Variants in DMD observed in about 807,000 individuals in gnomAD.
DMD encodes the protein dystrophin.
Under a neutral mutation model 330.1 loss-of-function variants are expected in DMD, and 63 were observed. The ratio of observed to expected loss-of-function variants is 0.19; its 90% CI spans 0.16 to 0.24. DMD has a LOEUF of 0.24. DMD is among the 10% of genes least tolerant of loss of function. The pLI, the probability that DMD is intolerant of heterozygous loss-of-function variation, is 1.00. For missense variants in DMD, 3,344 were observed against 2,684.1 expected (o/e 1.25, Z -5.43); for synonymous variants, 1,223 against 959.8 (o/e 1.27, Z -5.07).
chrX:32,855,046 T>C (rs2081430041), intron 2 of DMD, among the ~76,000 whole-genome samples: 1 of 111,956 alleles, frequency 8.9e-6, no homozygotes, highest in African/African-American at 3.2e-5. Context: ...ATCAATGTGA[T>C]AGATCGTATG....
At chrX:31,302,288 G>C (rs1186938966) in intron 62 of DMD, among the ~76,000 whole-genome samples, 1 of 111,621 alleles carries the variant, frequency 9.0e-6, no homozygotes, top group Non-Finnish European at 1.9e-5. Flanking sequence ...ACCAGACTTA[G>C]ATATGTAACA....
At chrX:32,241,254 G>A (rs1203673003) in intron 43 of DMD, among the ~76,000 whole-genome samples, 3 of 111,911 alleles carry the variant, frequency 2.7e-5, no homozygotes, top group Non-Finnish European at 3.8e-5. Flanking sequence ...TGTGCATCGC[G>A]TCCCGTGGTC....
intron 29 of DMD, among the ~76,000 whole-genome samples, chrX:32,413,743 C>A (rs1024806428): frequency 1.2e-5 from 1 of 82,402 alleles, no homozygotes; most frequent in South Asian, 6.5e-4. Flanking sequence ...GAGATGGAGG[C>A]GGAGTCTCTC....
At chrX:31,845,950 C>A (rs1211693138) in intron 48 of DMD, among the ~76,000 whole-genome samples, 3 of 111,022 alleles carry the variant, frequency 2.7e-5, no homozygotes, top group Non-Finnish European at 5.7e-5. Context: ...AGTAGTTGGA[C>A]AATATTGTCC....
intron 41 of DMD, among the ~76,000 whole-genome samples, chrX:32,338,840 A>T (rs1400909877): frequency 9.0e-6 from 1 of 111,539 alleles, no homozygotes; most frequent in Admixed American, 9.6e-5. Context: ...CTTGGCAGTC[A>T]TCAGATTTGT....
At chrX:32,440,385 C>T (rs1210821590) in intron 28 of DMD, among the ~76,000 whole-genome samples, 1 of 111,336 alleles carries the variant, frequency 9.0e-6, no homozygotes, top group Non-Finnish European at 1.9e-5. Context: ...GGTGTCTACT[C>T]TGATGTTCTA....
chrX:32,878,999 C>G (rs946812609), intron 2 of DMD, among the ~76,000 whole-genome samples: 1 of 90,462 alleles, frequency 1.1e-5, no homozygotes, highest in East Asian at 3.7e-4. Flanking sequence ...CAGACCAAGA[C>G]TACGTCTCAA....
intron 1 of DMD, among the ~76,000 whole-genome samples, chrX:33,043,467 G>A (rs1234578306): frequency 9.0e-6 from 1 of 110,914 alleles, no homozygotes; most frequent in Non-Finnish European, 1.9e-5. Context: ...CACAGTGAAA[G>A]AAACAAACAG....
intron 1 of DMD, among the ~76,000 whole-genome samples, chrX:33,310,171 CATCA>C (rs755192669): frequency 3.3e-4 from 37 of 111,080 alleles, no homozygotes; most frequent in Non-Finnish European, 5.5e-4. Context: ...TTTCTTGAAA[CATCA>C]ATATTATTAA....
chrX:31,421,962 CATATATAT>C (rs759770005), intron 60 of DMD, among the ~76,000 whole-genome samples: 2 of 63,925 alleles, frequency 3.1e-5, no homozygotes, highest in African/African-American at 2.2e-4. Context: ...TATATATACA[CATATATAT>C]ATACACATAT....
Position 32,600,562 on chromosome X carries a change from G to A in DMD, c.1483-4686C>T, listed in dbSNP as rs144402799. On this transcript the variant is annotated intron_variant, in intron 12 of 78. Transcript: ENST00000357033. ...ATTGAATACCCAACAGCTAATTGCCGGTACTTGCAGGTCACACACACACAA... is the reference window on the plus strand; with the variant it reads ...ATTGAATACCCAACAGCTAATTGCCAGTACTTGCAGGTCACACACACACAA... 9.4e-3 allele frequency among the ~76,000 whole-genome samples: 893 copies of A among 94,585 alleles called. 12 individuals carry two copies. Among genetic ancestry groups the A allele is most frequent in the African/African-American group, 0.034 (810 of 23,857 alleles). The allele number at this position is 94,585 out of a possible 115,157, so 82.1% of individuals were successfully genotyped here.
rs147299575 is a variant in DMD, at chrX:31,894,115, C to G, written c.6913-18742G>C. 4.5e-5 allele frequency among the ~76,000 whole-genome samples: 5 copies of G among 111,716 alleles called. No individual in the cohort carries two copies. The East Asian group carries it at 1.4e-3, about 32-fold the overall frequency. On this transcript the variant is annotated intron_variant, in intron 47 of 78. Transcript: ENST00000357033. Reference sequence around the variant, plus strand: ...GGAAAATCCTGTGACAACAGGATACCCTGTCACCCTAAGCAGATGTAAGCT... The same window carrying G: ...GGAAAATCCTGTGACAACAGGATACGCTGTCACCCTAAGCAGATGTAAGCT...
intron 1 of DMD, among the ~76,000 whole-genome samples, chrX:33,155,593 G>A (rs1329789612): frequency 9.0e-6 from 1 of 111,343 alleles, no homozygotes; most frequent in African/African-American, 3.3e-5. Flanking sequence ...TGGGATTGCA[G>A]GTTTGAACCA....
At chrX:32,084,379 T>G (rs1350328467) in intron 44 of DMD, among the ~76,000 whole-genome samples, 1 of 111,260 alleles carries the variant, frequency 9.0e-6, no homozygotes, top group Non-Finnish European at 1.9e-5. Flanking sequence ...CATTCACCTC[T>G]TAGGTCCCTG....
At chrX:32,382,581 G>A (rs1219729521) in intron 33 of DMD, among the ~76,000 whole-genome samples, 1 of 105,769 alleles carries the variant, frequency 9.5e-6, no homozygotes. Flanking sequence ...AGTTGCTGAG[G>A]CTGTAAATTC....
intron 52 of DMD, among the ~76,000 whole-genome samples, chrX:31,692,617 T>G (rs749301066): frequency 3.6e-4 from 40 of 111,498 alleles, no homozygotes; most frequent in African/African-American, 1.3e-3. Flanking sequence ...CAAAGGATCC[T>G]AAGAGACTAC....
At chrX:32,045,335 C>T (rs906680794) in intron 44 of DMD, among the ~76,000 whole-genome samples, 3 of 93,356 alleles carry the variant, frequency 3.2e-5, no homozygotes, top group Non-Finnish European at 6.3e-5. Flanking sequence ...AGTTCTTGAG[C>T]GATCTGTTTT....
chrX:32,664,531 G>A (rs749716824), intron 9 of DMD, among the ~76,000 whole-genome samples: 1 of 111,223 alleles, frequency 9.0e-6, no homozygotes, highest in Non-Finnish European at 1.9e-5. Flanking sequence ...GTGAGCCACC[G>A]CATCCGGCCA....
intron 63 of DMD, among the ~76,000 whole-genome samples, chrX:31,237,786 C>T (rs193231635): frequency 1.1e-4 from 12 of 111,657 alleles, no homozygotes; most frequent in African/African-American, 3.9e-4. Context: ...GTGGCATGAT[C>T]TCGGCTCACT....
Sources: gnomAD v4.1 joint callset for allele counts (sites outside exome capture counted in the v4.1 genomes callset) on GRCh38, gnomAD v4.1.1 for gene constraint, MANE v1.5 for transcripts, NCBI Gene and HGNC (gene_info 2026-07-23, HGNC 2026-07-21) for gene names.